DYNC1H1: variants seen among roughly 807,000 people sequenced by gnomAD.
DYNC1H1 encodes the protein dynein cytoplasmic 1 heavy chain 1.
Under a neutral mutation model 527.1 loss-of-function variants are expected in DYNC1H1, and 51 were observed. The observed-to-expected ratio is 0.10, with a 90% CI of 0.08 to 0.12. The LOEUF (loss-of-function observed/expected upper bound fraction) is 0.12, where lower values mean the gene tolerates loss of function less well. DYNC1H1 is among the 10% of genes least tolerant of loss of function. DYNC1H1 has a pLI of 1.00. For synonymous variants in DYNC1H1, 2,189 were observed against 2,278.8 expected, an observed-to-expected ratio of 0.96 and a Z score of 1.12; for missense variants, 2,771 against 5,971.8, an observed-to-expected ratio of 0.46 and a Z score of 17.66.
rs2048371536 is a variant in DYNC1H1, at chr14:102,020,437, A to G, written c.8507+381A>G. Among the ~76,000 whole-genome samples, 2 of 152,186 alleles carry G rather than the reference A, an allele frequency of 1.3e-5. No individual in the cohort carries two copies. The highest frequency in any genetic ancestry group is 1.3e-4 in the Admixed American group (2 of 15,266). ...ACAAAAGGTAGCAGCTGCCTGTGATAACCTTACCAGAGCACGGGTTCACTG... is the reference window on the plus strand; with the variant it reads ...ACAAAAGGTAGCAGCTGCCTGTGATGACCTTACCAGAGCACGGGTTCACTG... On this transcript the variant is annotated intron_variant, in intron 42 of 77. Coordinates refer to ENST00000360184, the MANE Select transcript of DYNC1H1 (RefSeq NM_001376.5). The surrounding 1 kb of genome is among the most constrained non-coding windows in gnomAD (Gnocchi z 4.3).
rs1471119795 is a variant in DYNC1H1, at chr14:102,030,093, T to C, written c.9763-69T>C. The C allele has an allele frequency of 1.3e-5, 20 of 1,599,774 alleles. No individual in the cohort carries two copies. The East Asian group carries it at 4.5e-4, about 36-fold the overall frequency. On this transcript the variant is annotated intron_variant, in intron 50 of 77. Coordinates refer to ENST00000360184, the MANE Select transcript of DYNC1H1 (RefSeq NM_001376.5). ...GTGTGTGTGTTGGCAGAGTGAAGAATGTTGTTTAGAATTTAGTCAGCAAAT... is the reference window on the plus strand; with the variant it reads ...GTGTGTGTGTTGGCAGAGTGAAGAACGTTGTTTAGAATTTAGTCAGCAAAT...
At chr14:102,004,199 G>C (rs536986109) in intron 23 of DYNC1H1, among the ~76,000 whole-genome samples, 5 of 152,032 alleles carry the variant, frequency 3.3e-5, no homozygotes, top group South Asian at 2.1e-4. Flanking sequence ...AGCCGAGATC[G>C]TGCCACTGCA....
intron 34 of DYNC1H1, among the ~76,000 whole-genome samples, chr14:102,014,620 GAC>G (rs1015370152): frequency 5.9e-5 from 9 of 151,970 alleles, no homozygotes; most frequent in African/African-American, 1.7e-4. Context: ...GCGCACCCAG[GAC>G]ACAGTCACTG....
In DYNC1H1 at chr14:102,033,577, G is replaced by C; in HGVS notation, c.10413+93G>C. On this transcript the variant is annotated intron_variant, in intron 54 of 77. Coordinates refer to ENST00000360184, the MANE Select transcript of DYNC1H1 (RefSeq NM_001376.5). The surrounding 1 kb of genome is among the most constrained non-coding windows in gnomAD (Gnocchi z 5.6). Reference sequence around the variant, plus strand: ...GCGCTGCATGCACCATGCTGGCCTCGGTGAATTCGCTCTTTAACATCTGTA... The same window carrying C: ...GCGCTGCATGCACCATGCTGGCCTCCGTGAATTCGCTCTTTAACATCTGTA... The C allele has an allele frequency of 6.6e-7, 1 of 1,514,610 alleles. No homozygotes were observed. Among genetic ancestry groups the C allele is most frequent in the East Asian group, 2.4e-5 (1 of 41,570 alleles). 93.8% of individuals were successfully genotyped at this position (1,514,610 alleles called of 1,614,324 possible).
chr14:102,026,934 A>T lies in DYNC1H1; in HGVS notation c.8771+227A>T, dbSNP rs963267608. 3 of 779,720 alleles carry T rather than the reference A, an allele frequency of 3.8e-6. No homozygotes were observed. In the Admixed American group the frequency reaches 6.8e-5, roughly 18 times the overall value. 48.3% of individuals were successfully genotyped at this position (779,720 alleles called of 1,614,324 possible). A position where few individuals can be genotyped will look rare whatever the true frequency, so the allele number is the denominator to read the frequency against. Reference sequence around the variant, plus strand: ...CCAGCACTGCATACCTGCCATAATTATGGCCCTTTGACCTTCTGCTGGAAT... The same window carrying T: ...CCAGCACTGCATACCTGCCATAATTTTGGCCCTTTGACCTTCTGCTGGAAT... On this transcript the variant is annotated intron_variant, in intron 44 of 77. Transcript: ENST00000360184.
At position 102,022,760 on chromosome 14, in the gene DYNC1H1, G is replaced by C. The variant is rs1185425190; in HGVS notation, c.8517G>C (p.Glu2839Asp). ...ALRLFQDRLV[E>D]DEERRWTDEN... ...GCTGCTCTCCCCACAGACTCGTAGA[G>C]GATGAGGAGAGGCGTTGGACTGATG... Residue 2839 changes from glutamate to aspartate, a missense_variant, in exon 43 of 78, where the codon GAG becomes GAC. Physicochemically the swap from Glu to Asp is conservative, Grantham distance 45. Transcript: ENST00000360184. 1.2e-6 allele frequency: 2 copies of C among 1,614,010 alleles called. No homozygotes were observed. Among genetic ancestry groups the C allele is most frequent in the African/African-American group, 2.7e-5 (2 of 74,888 alleles).
At position 102,055,415 on chromosome 14, in the gene DYNC1H1, G is replaced by C. The variant is rs955332216; in HGVS notation, c.*4852G>C. On this transcript the variant is annotated 3_prime_UTR_variant, in exon 78 of 78. Coordinates refer to ENST00000360184, the MANE Select transcript of DYNC1H1 (RefSeq NM_001376.5). ...GATGAGACAGGATCGGCCGGTCCTT[G>C]ACAGTCTCTGAAGCTGGGAGAACAT... 6.6e-6 allele frequency: 1 copy of C among 152,246 alleles called. No homozygotes were observed. The highest frequency in any genetic ancestry group is 2.4e-5 in the African/African-American group (1 of 41,402). 9.4% of individuals were successfully genotyped at this position (152,246 alleles called of 1,614,324 possible).
In DYNC1H1 at chr14:102,042,600, C is replaced by T. The variant is rs1463995015; in HGVS notation, c.12400-35C>T. The T allele has an allele frequency of 1.2e-6, 2 of 1,613,998 alleles. No homozygotes were observed. The highest frequency in any genetic ancestry group is 1.1e-5 in the South Asian group (1 of 91,034). On this transcript the variant is annotated intron_variant, in intron 68 of 77. Coordinates refer to ENST00000360184, the MANE Select transcript of DYNC1H1 (RefSeq NM_001376.5). The surrounding 1 kb of genome is among the most constrained non-coding windows in gnomAD (Gnocchi z 5.7). ...GGAATTGAACAGGCGCCCTCATCCA[C>T]ACCCGAGCATAACTGGAACGGCGCT...
rs914023556 is a variant in DYNC1H1 at position 102,000,257 on chromosome 14, G to C, written c.3961-29G>C. On this transcript the variant is annotated intron_variant, in intron 17 of 77. Transcript: ENST00000360184. ...TTCTGGGGTGATTTCTATTTCCAAA[G>C]TCAACTGCTTTACTATTCTCAATCG... 3 of 1,614,146 alleles carry C rather than the reference G, an allele frequency of 1.9e-6. No individual in the cohort carries two copies. The African/African-American group carries it at 4.0e-5, about 22-fold the overall frequency.
rs765427772 is a variant in DYNC1H1 at position 102,015,137 on chromosome 14, A to G, written c.7047A>G (p.Lys2349=). The change falls in exon 35 of 78, where the codon AAA becomes AAG. Residue 2349 remains lysine (K), a synonymous_variant. Coordinates refer to ENST00000360184, the MANE Select transcript of DYNC1H1 (RefSeq NM_001376.5). The surrounding 1 kb of genome is among the most constrained non-coding windows in gnomAD (Gnocchi z 6.9). ...VRIMFEVQDL[K]YATLATVSRC... ...TAATGTTTGAGGTACAGGACTTGAA[A>G]TACGCGACCTTGGCCACAGTGTCGC... 6.2e-7 allele frequency: 1 copy of G among 1,614,270 alleles called. No homozygotes were observed. Among genetic ancestry groups the G allele is most frequent in the Non-Finnish European group, 8.5e-7 (1 of 1,180,052 alleles).
At position 102,011,752 on chromosome 14, in the gene DYNC1H1, AG is replaced by A; in HGVS notation, c.6619-121del. On this transcript the variant is annotated intron_variant, in intron 32 of 77. Transcript: ENST00000360184. This position sits in a 1 kb window ranked among gnomAD's most constrained non-coding sequence, Gnocchi z 5.3. ...GGGTGACAGAGAGAGACTCCGTTTC[AG>A]GAAAAAAAAAAAAATCCACACATAA... The A allele has an allele frequency of 9.6e-7, 1 of 1,045,110 alleles. No homozygotes were observed. Among genetic ancestry groups the A allele is most frequent in the Non-Finnish European group, 1.4e-6 (1 of 696,276 alleles). The allele number at this position is 1,045,110 out of a possible 1,614,324, so 64.7% of individuals were successfully genotyped here.
intron 42 of DYNC1H1, among the ~76,000 whole-genome samples, chr14:102,022,155 G>A (rs1048852437): frequency 6.6e-6 from 1 of 151,520 alleles, no homozygotes; most frequent in Non-Finnish European, 1.5e-5. Flanking sequence ...AAGTAAGATC[G>A]CGCCACTGCA....
rs747519168 is a variant in DYNC1H1 at position 102,001,558 on chromosome 14, T to C, written c.4419T>C (p.Tyr1473=). The change falls in exon 21 of 78, where the codon TAT becomes TAC. Residue 1473 remains tyrosine (Y), a synonymous_variant. Transcript: ENST00000360184. This position sits in a 1 kb window ranked among gnomAD's most constrained non-coding sequence, Gnocchi z 5.0. ...LKQIREVWNT[Y]ELDLVNYQNK... ...AGATAAGAGAAGTGTGGAATACTTA[T>C]GAACTAGACTTGGTTAATTATCAGA... is the stretch of plus-strand genomic sequence containing the variant. 2.3e-5 allele frequency: 37 copies of C among 1,614,066 alleles called. No homozygotes were observed. The highest frequency in any genetic ancestry group is 2.9e-5 in the Non-Finnish European group (34 of 1,180,040).
intron 1 of DYNC1H1, among the ~76,000 whole-genome samples, chr14:101,969,164 C>T (rs1264389483): frequency 1.3e-5 from 2 of 151,392 alleles, no homozygotes; most frequent in Non-Finnish European, 2.9e-5. Flanking sequence ...ACTACAGGCG[C>T]CTGCCACCAC....
chr14:102,012,857 G>T lies in DYNC1H1; in HGVS notation c.7014+387G>T. ...TGGAAAATGAGTGCATGATGCAGGT[G>T]CCTGACAACACCTACTGATCAGTAA... On this transcript the variant is annotated intron_variant, in intron 34 of 77. Transcript: ENST00000360184. This position sits in a 1 kb window ranked among gnomAD's most constrained non-coding sequence, Gnocchi z 4.9. 2.9e-6 allele frequency: 1 copy of T among 345,080 alleles called. No individual in the cohort carries two copies. The highest frequency in any genetic ancestry group is 5.6e-6 in the Non-Finnish European group (1 of 179,010). The allele number at this position is 345,080 out of a possible 1,614,324, so 21.4% of individuals were successfully genotyped here. A position where few individuals can be genotyped will look rare whatever the true frequency, so the allele number is the denominator to read the frequency against.
In DYNC1H1 at chr14:101,985,012, G is replaced by A. The variant is rs183515819; in HGVS notation, c.1462-675G>A. ...CCAGGCTGGTCTCGAGCTCCTGACC[G>A]CAAGTGATCCACCCGCCCCGGCCTC... On this transcript the variant is annotated intron_variant, in intron 7 of 77. Transcript: ENST00000360184. This position sits in a 1 kb window ranked among gnomAD's most constrained non-coding sequence, Gnocchi z 5.9. Among the ~76,000 whole-genome samples, 24 of 145,346 alleles carry A rather than the reference G, an allele frequency of 1.7e-4. No individual in the cohort carries two copies. The East Asian group carries it at 4.3e-3, about 26-fold the overall frequency.
At chr14:102,048,713 C>T in intron 74 of DYNC1H1, 44 bp downstream of exon 74, 1 of 1,594,360 alleles carries the variant, frequency 6.3e-7, no homozygotes, top group Non-Finnish European at 8.6e-7. Flanking sequence ...CGGCGGGCAC[C>T]TTGGCCAGGG....
chr14:102,035,511 G>GGAGT (rs1215498628), intron 56 of DYNC1H1: 1 of 152,230 alleles, frequency 6.6e-6, no homozygotes, highest in African/African-American at 2.4e-5. Context: ...CTTTGACCTA[G>GGAGT]GAGTTCCACT....
In DYNC1H1 at chr14:102,016,285, G is replaced by C; in HGVS notation, c.7474-64G>C. The C allele has an allele frequency of 6.3e-7, 1 of 1,599,140 alleles. No individual in the cohort carries two copies. The highest frequency in any genetic ancestry group is 8.5e-7 in the Non-Finnish European group (1 of 1,170,790). On this transcript the variant is annotated intron_variant, in intron 36 of 77. Transcript: ENST00000360184. The surrounding 1 kb of genome is among the most constrained non-coding windows in gnomAD (Gnocchi z 7.3). ...CCACTGTCTTTAGGTTAACTTTGCT[G>C]TAAGTGTCTTTCTTTTGTTGTTGAA... is the stretch of plus-strand genomic sequence containing the variant.
Sources: gnomAD v4.1 joint callset for allele counts (sites outside exome capture counted in the v4.1 genomes callset) on GRCh38, gnomAD v4.1.1 for gene constraint, Gnocchi (gnomAD v3.1) non-coding constraint, MANE v1.5 for transcripts, NCBI Gene and HGNC (gene_info 2026-07-23, HGNC 2026-07-21) for gene names.